The following STIM2 variants were observed in gnomAD, a reference collection of about 807,000 sequenced individuals.
STIM2 encodes the protein stromal interaction molecule 2.
A neutral mutation model predicts 85.8 loss-of-function variants in STIM2; 31 were observed. The observed-to-expected ratio is 0.36, with a 90% CI of 0.27 to 0.49. The LOEUF is 0.49. Ranked by LOEUF, STIM2 falls within the 20% of genes least tolerant of loss-of-function variation. The pLI is 0.98. For synonymous variants in STIM2, 356 were observed against 331.1 expected (o/e 1.08, Z -0.82); for missense variants, 841 against 927.6 (o/e 0.91, Z 1.21).
chr4:26,892,506 G>A (rs1296038675), intron 1 of STIM2, among the ~76,000 whole-genome samples: 6 of 152,056 alleles, frequency 3.9e-5, no homozygotes, highest in African/African-American at 1.2e-4. Flanking sequence ...TGGGAGTTAG[G>A]ATTTTAACAT....
In STIM2 at chr4:26,877,222, A is replaced by G. The variant is rs557348663; in HGVS notation, c.151+15853A>G. On this transcript the variant is annotated intron_variant, in intron 1 of 11. Coordinates refer to ENST00000467087, the MANE Select transcript of STIM2 (RefSeq NM_020860.4). ...CCCTTTTTTTTCTGTTTCAGTTTGG[A>G]TGACTTCTGTTGACCTAAGTTCATG... Among the ~76,000 whole-genome samples the G allele has an allele frequency of 1.4e-4, 21 of 151,384 alleles. No individual in the cohort carries two copies. The East Asian group carries it at 2.9e-3, about 21-fold the overall frequency.
rs553994536 is a variant in STIM2 at position 26,861,420 on chromosome 4, C to G, written c.151+51C>G. 146 of 1,269,892 alleles carry G rather than the reference C, an allele frequency of 1.1e-4. No individual in the cohort carries two copies. In the East Asian group the frequency reaches 4.7e-3, roughly 41 times the overall value. The allele number at this position is 1,269,892 out of a possible 1,614,324, so 78.7% of individuals were successfully genotyped here. On this transcript the variant is annotated intron_variant, in intron 1 of 11. Transcript: ENST00000467087. ...GGGCTCGGCCGGCAGCGATGGGACC[C>G]CCAACCCGTGCAGAGGTCAGCATCT...
At chr4:26,881,091 T>A (rs1379209086) in intron 1 of STIM2, among the ~76,000 whole-genome samples, 1 of 152,200 alleles carries the variant, frequency 6.6e-6, no homozygotes, top group African/African-American at 2.4e-5. Flanking sequence ...GTGATGGTGG[T>A]ACTAAGAGTT....
At chr4:27,018,112 C>G in intron 11 of STIM2, 128 bp downstream of exon 11, 1 of 1,309,672 alleles carries the variant, frequency 7.6e-7, no homozygotes, top group Non-Finnish European at 1.1e-6. Context: ...ACAGACTTTG[C>G]AGCCTCAGAC....
chr4:26,966,102 G>A (rs1411426139), intron 3 of STIM2, among the ~76,000 whole-genome samples: 4 of 152,018 alleles, frequency 2.6e-5, no homozygotes, highest in Non-Finnish European at 4.4e-5. Flanking sequence ...CAGACTCAAG[G>A]GATACCTCAA....
At chr4:27,016,051 G>T (rs536663923) in intron 10 of STIM2, among the ~76,000 whole-genome samples, 5 of 152,024 alleles carry the variant, frequency 3.3e-5, no homozygotes, top group African/African-American at 1.2e-4. Flanking sequence ...CATTTCCTCA[G>T]ATCTGCCTTC....
intron 3 of STIM2, 125 bp downstream of exon 3, chr4:26,957,851 A>G (rs956979363): frequency 1.4e-5 from 8 of 587,072 alleles, no homozygotes. Context: ...GAGGATATTT[A>G]TATTTTAGTA....
intron 1 of STIM2, among the ~76,000 whole-genome samples, chr4:26,880,507 T>C (rs1264540588): frequency 1.3e-5 from 2 of 151,522 alleles, no homozygotes; most frequent in Non-Finnish European, 2.9e-5. Flanking sequence ...CTTGTACTCA[T>C]GTAGTATCTA....
At chr4:26,899,013 T>C (rs1004351661) in intron 1 of STIM2, among the ~76,000 whole-genome samples, 1 of 151,988 alleles carries the variant, frequency 6.6e-6, no homozygotes, top group African/African-American at 2.4e-5. Context: ...GAATAGAACC[T>C]TAGTAAATGT....
intron 2 of STIM2, among the ~76,000 whole-genome samples, chr4:26,956,731 T>C (rs1726257630): frequency 6.6e-6 from 1 of 152,116 alleles, no homozygotes; most frequent in African/African-American, 2.4e-5. Context: ...AAGATTATTA[T>C]TTATTATGTT....
At position 27,008,937 on chromosome 4, in the gene STIM2, A is replaced by C. The variant is rs369199067; in HGVS notation, c.1424A>C (p.Tyr475Ser). ...ATGCCCAGAGTCTCCATTCCACCCT[A>C]TCCAATTGCTGGAGGAGTTGATGAC... The change falls in exon 10 of 12, where the codon TAT becomes TCT. Residue 475 changes from tyrosine to serine, a missense_variant. Around this residue, in one of 3 missense-constraint regions of STIM2, gnomAD observed 408 missense variants for 525.4 expected, o/e 0.78. Coordinates refer to ENST00000467087, the MANE Select transcript of STIM2 (RefSeq NM_020860.4). 1 of 1,614,000 alleles carries C rather than the reference A, an allele frequency of 6.2e-7. No individual in the cohort carries two copies. Among genetic ancestry groups the C allele is most frequent in the African/African-American group, 1.3e-5 (1 of 74,914 alleles).
intron 1 of STIM2, among the ~76,000 whole-genome samples, chr4:26,866,809 T>C (rs1722427027): frequency 1.3e-5 from 2 of 152,026 alleles, no homozygotes; most frequent in African/African-American, 4.8e-5. Flanking sequence ...TTGAGAGATA[T>C]AAAACTATTT....
At chr4:26,929,958 C>A (rs1457912200) in intron 2 of STIM2, among the ~76,000 whole-genome samples, 1 of 152,094 alleles carries the variant, frequency 6.6e-6, no homozygotes, top group East Asian at 1.9e-4. Flanking sequence ...GTGTACAGTA[C>A]TTGGACAAAT....
At chr4:26,963,452 G>T (rs67056878) in intron 3 of STIM2, among the ~76,000 whole-genome samples, 1 of 77,822 alleles carries the variant, frequency 1.3e-5, no homozygotes, top group African/African-American at 6.5e-5. Context: ...AACTTAAAAC[G>T]TAAGCCTTGC....
rs1051720558 is a variant in STIM2 at position 26,959,263 on chromosome 4, C to T, written c.397+1537C>T. Among the ~76,000 whole-genome samples, 5 of 152,154 alleles carry T rather than the reference C, an allele frequency of 3.3e-5. No individual in the cohort carries two copies. The East Asian group carries it at 9.6e-4, about 29-fold the overall frequency. On this transcript the variant is annotated intron_variant, in intron 3 of 11. Coordinates refer to ENST00000467087, the MANE Select transcript of STIM2 (RefSeq NM_020860.4). ...CCATGCATCTCTCTCGCTCACTGTG[C>T]TCCATTCATTCTGGACCTGTGGCTA...
At chr4:27,021,363 G>C (rs1728906626) in intron 11 of STIM2, 4 of 402,434 alleles carry the variant, frequency 9.9e-6, no homozygotes, top group South Asian at 5.7e-5. Context: ...CAGACAAGGT[G>C]GTTAGGGCAG....
At chr4:27,003,608 T>C (rs1728232871) in intron 7 of STIM2, among the ~76,000 whole-genome samples, 1 of 152,094 alleles carries the variant, frequency 6.6e-6, no homozygotes, top group African/African-American at 2.4e-5. Flanking sequence ...CACGGAGTCC[T>C]TTGGAGAAGG....
intron 1 of STIM2, among the ~76,000 whole-genome samples, chr4:26,875,837 A>C (rs1722797228): frequency 6.6e-6 from 1 of 152,182 alleles, no homozygotes; most frequent in African/African-American, 2.4e-5. Context: ...AGCCCTTACT[A>C]ATATTTATAT....
intron 3 of STIM2, 147 bp downstream of exon 3, chr4:26,957,873 C>G: frequency 3.6e-6 from 2 of 553,896 alleles, no homozygotes; most frequent in Non-Finnish European, 6.4e-6. Flanking sequence ...ATAATTTTCC[C>G]TTCTTGTTTT....
Sources: gnomAD v4.1 joint callset for allele counts (sites outside exome capture counted in the v4.1 genomes callset) on GRCh38, gnomAD v4.1.1 for gene constraint, gnomAD v4.1.1 regional missense constraint, MANE v1.5 for transcripts, NCBI Gene and HGNC (gene_info 2026-07-23, HGNC 2026-07-21) for gene names.